The following JAZF1 variants were observed in gnomAD, a reference collection of about 807,000 sequenced individuals.
JAZF1 encodes the protein JAZF zinc finger 1.
JAZF1 carries 8 observed loss-of-function variants against 26.4 expected under a neutral mutation model. The ratio of observed to expected loss-of-function variants is 0.30; its 90% CI spans 0.18 to 0.55. The LOEUF is 0.55. Ranked by LOEUF, JAZF1 falls within the 20% of genes least tolerant of loss-of-function variation. The probability of loss-of-function intolerance (pLI) is 0.94; values close to 1 mark genes in which losing one functional copy is unlikely to be tolerated. For synonymous variants in JAZF1, 126 were observed against 122.3 expected, an observed-to-expected ratio of 1.03 and a Z score of -0.20; for missense variants, 199 against 322.0, an observed-to-expected ratio of 0.62 and a Z score of 2.92.
chr7:27,869,187 A>C (rs1331799130), intron 3 of JAZF1, among the ~76,000 whole-genome samples: 4 of 152,190 alleles, frequency 2.6e-5, no homozygotes, highest in Admixed American at 2.0e-4. Context: ...GTGTTATTAG[A>C]CCTCTATTCA....
intron 4 of JAZF1, among the ~76,000 whole-genome samples, chr7:27,836,978 A>G (rs987599418): frequency 1.3e-5 from 2 of 151,920 alleles, no homozygotes; most frequent in Non-Finnish European, 2.9e-5. Flanking sequence ...CTCTCTCAAT[A>G]CCTTTTTTCC....
chr7:28,117,376 T>C (rs1311367239), intron 1 of JAZF1, among the ~76,000 whole-genome samples: 1 of 152,236 alleles, frequency 6.6e-6, no homozygotes, highest in African/African-American at 2.4e-5. Context: ...GAAATCCTTC[T>C]TAAAAATATC....
At chr7:27,916,576 AC>A (rs1421452563) in intron 2 of JAZF1, among the ~76,000 whole-genome samples, 1 of 152,182 alleles carries the variant, frequency 6.6e-6, no homozygotes, top group Non-Finnish European at 1.5e-5. Flanking sequence ...GTGTAAACTT[AC>A]CTGACACATA....
chr7:28,112,211 T>C (rs1167877781), intron 1 of JAZF1, among the ~76,000 whole-genome samples: 2 of 152,128 alleles, frequency 1.3e-5, no homozygotes, highest in Non-Finnish European at 2.9e-5. Flanking sequence ...GCCTCCAAAT[T>C]GGCAACGGAA....
Position 28,092,290 on chromosome 7 carries a change from C to CCAAAAAAAAAAAAAAAAAAAAAAA in JAZF1, c.115+88172_115+88173insTTTTTTTTTTTTTTTTTTTTTTTG, listed in dbSNP as rs1784310777. On this transcript the variant is annotated intron_variant, in intron 1 of 4. Coordinates refer to ENST00000283928, the MANE Select transcript of JAZF1 (RefSeq NM_175061.4). ...AACATCCCATTTCAGGGACAAAAGGCAAAAAAAAAAAAAAAAAAAAAAAAA... is the reference window on the plus strand; with the variant it reads ...AACATCCCATTTCAGGGACAAAAGGCCAAAAAAAAAAAAAAAAAAAAAAAAAAAAAAAAAAAAAAAAAAAAAAAA... Among the ~76,000 whole-genome samples, 19 of 12,786 alleles carry CCAAAAAAAAAAAAAAAAAAAAAAA rather than the reference C, an allele frequency of 1.5e-3. 1 individual carries two copies. Among genetic ancestry groups the CCAAAAAAAAAAAAAAAAAAAAAAA allele is most frequent in the African/African-American group, 3.9e-3 (18 of 4,638 alleles). 8.4% of individuals were successfully genotyped at this position (12,786 alleles called of 152,430 possible).
intron 3 of JAZF1, among the ~76,000 whole-genome samples, chr7:27,871,070 T>C (rs1056366160): frequency 2.0e-5 from 3 of 152,198 alleles, no homozygotes; most frequent in Non-Finnish European, 4.4e-5. Context: ...TAAACCGTCA[T>C]TGTAACGAGA....
chr7:27,868,681 AG>A (rs1783527144), intron 3 of JAZF1, among the ~76,000 whole-genome samples: 1 of 152,326 alleles, frequency 6.6e-6, no homozygotes, highest in South Asian at 2.1e-4. Flanking sequence ...TGGCAGTGAG[AG>A]GTTGCCTCCT....
intron 1 of JAZF1, among the ~76,000 whole-genome samples, chr7:28,079,542 T>G (rs1784103503): frequency 6.6e-6 from 1 of 152,180 alleles, no homozygotes; most frequent in African/African-American, 2.4e-5. Context: ...ATCATAAAAC[T>G]GACAAGTCTC....
intron 1 of JAZF1, among the ~76,000 whole-genome samples, chr7:28,025,577 A>G (rs1449688904): frequency 1.3e-5 from 2 of 152,244 alleles, no homozygotes; most frequent in Non-Finnish European, 2.9e-5. Flanking sequence ...CGTCATTTAA[A>G]AACATACTAT....
chr7:27,992,400 G>C, intron 1 of JAZF1: 1 of 324,982 alleles, frequency 3.1e-6, no homozygotes, highest in South Asian at 2.7e-5. Context: ...AACCTACTGA[G>C]TATTGTTCTT....
intron 1 of JAZF1, among the ~76,000 whole-genome samples, chr7:28,038,917 CT>C (rs1419449546): frequency 6.6e-6 from 1 of 152,140 alleles, no homozygotes; most frequent in East Asian, 1.9e-4. Flanking sequence ...TGAACTGTTC[CT>C]TTTATCTCTA....
chr7:28,173,812 C>A (rs1783508590), intron 1 of JAZF1, among the ~76,000 whole-genome samples: 3 of 137,398 alleles, frequency 2.2e-5, no homozygotes, highest in Non-Finnish European at 4.6e-5. Context: ...CCAAAGTTGA[C>A]AGCAATTGGA....
At chr7:28,051,157 C>A (rs1358757930) in intron 1 of JAZF1, among the ~76,000 whole-genome samples, 101 of 126,472 alleles carry the variant, frequency 8.0e-4, no homozygotes, top group East Asian at 2.3e-3. Context: ...AAAAAAAAAA[C>A]AAAGTCTACT....
chr7:27,867,337 C>G (rs1328013151), intron 3 of JAZF1, among the ~76,000 whole-genome samples: 1 of 152,230 alleles, frequency 6.6e-6, no homozygotes, highest in East Asian at 1.9e-4. Context: ...GAAAATGCAC[C>G]AACAGAAAAT....
intron 2 of JAZF1, among the ~76,000 whole-genome samples, chr7:27,989,946 A>G (rs1384556066): frequency 6.6e-6 from 1 of 152,126 alleles, no homozygotes; most frequent in Non-Finnish European, 1.5e-5. Context: ...ATATACCCAA[A>G]GGTTTATAAA....
intron 3 of JAZF1, among the ~76,000 whole-genome samples, chr7:27,883,457 G>A (rs907203160): frequency 9.2e-5 from 14 of 152,198 alleles, no homozygotes; most frequent in Admixed American, 4.6e-4. Flanking sequence ...AAATGGTCAA[G>A]TGTGGTATAG....
At chr7:27,978,911 CAG>C (rs1785523504) in intron 2 of JAZF1, among the ~76,000 whole-genome samples, 1 of 141,514 alleles carries the variant, frequency 7.1e-6, no homozygotes. Flanking sequence ...GGGAGAAAGG[CAG>C]GGGAGAGGGG....
At chr7:28,033,475 G>A (rs1172801390) in intron 1 of JAZF1, among the ~76,000 whole-genome samples, 2 of 152,170 alleles carry the variant, frequency 1.3e-5, no homozygotes, top group South Asian at 2.1e-4. Flanking sequence ...AGGCTCCAAA[G>A]TTATTTGGGG....
At chr7:27,833,046 T>C (rs1046954052) in intron 4 of JAZF1, 70 bp from the exon 5 acceptor site, 4 of 1,326,924 alleles carry the variant, frequency 3.0e-6, no homozygotes, top group Admixed American at 2.6e-5. Context: ...AAACCTCAAT[T>C]TGGGTCTGGA....
Sources: allele counts gnomAD v4.1 joint callset (sites outside exome capture counted in the v4.1 genomes callset), GRCh38; gene constraint gnomAD v4.1.1; transcripts MANE v1.5; gene names NCBI Gene and HGNC (gene_info 2026-07-23, HGNC 2026-07-21).